CRTC1: variants seen among roughly 807,000 people sequenced by gnomAD.
CRTC1 encodes the protein CREB-regulated transcription coactivator 1.
A neutral mutation model predicts 66.1 loss-of-function variants in CRTC1; 18 were observed. The ratio of observed to expected loss-of-function variants is 0.27; its 90% CI spans 0.19 to 0.40. CRTC1 has a LOEUF of 0.40. Among genes scored for constraint, CRTC1 ranks in the 10% least tolerant of loss-of-function variants. The pLI is 1.00. For synonymous variants in CRTC1, 416 were observed against 398.8 expected, an observed-to-expected ratio of 1.04 and a Z score of -0.51; for missense variants, 669 against 887.9, an observed-to-expected ratio of 0.75 and a Z score of 3.13.
intron 1 of CRTC1, among the ~76,000 whole-genome samples, chr19:18,698,563 G>A (rs1600771674): frequency 6.6e-6 from 1 of 152,048 alleles, no homozygotes; most frequent in East Asian, 1.9e-4. Context: ...CAGGTGCACA[G>A]TGTGTACTCA....
In CRTC1 at chr19:18,775,565, A is replaced by G. The variant is rs2054968492; in HGVS notation, c.1513-76A>G. ...CCCCAGCTGCGGGCAGGACAGCCACAGCAGCCAAGGGCTTGGGGTGGCCAG... is the reference window on the plus strand; with the variant it reads ...CCCCAGCTGCGGGCAGGACAGCCACGGCAGCCAAGGGCTTGGGGTGGCCAG... On this transcript the variant is annotated intron_variant, in intron 12 of 13. Transcript: ENST00000321949. 5.3e-6 allele frequency: 7 copies of G among 1,324,058 alleles called. No homozygotes were observed. In the South Asian group the frequency reaches 9.2e-5, roughly 17 times the overall value. 82.0% of individuals were successfully genotyped at this position (1,324,058 alleles called of 1,614,324 possible). A position where few individuals can be genotyped will look rare whatever the true frequency, so the allele number is the denominator to read the frequency against.
intron 1 of CRTC1, among the ~76,000 whole-genome samples, chr19:18,719,191 T>G (rs1482195345): frequency 6.6e-6 from 1 of 152,220 alleles, no homozygotes; most frequent in Admixed American, 6.5e-5. Flanking sequence ...GGGCGCAGCC[T>G]CCAACTAGTG....
At chr19:18,773,946 G>C (rs10412356) in intron 11 of CRTC1, among the ~76,000 whole-genome samples, 1 of 152,312 alleles carries the variant, frequency 6.6e-6, no homozygotes, top group South Asian at 2.1e-4. Flanking sequence ...GCTCAGATGG[G>C]GAGCTCCAAG....
At chr19:18,772,195 A>C (rs2054885133) in intron 11 of CRTC1, among the ~76,000 whole-genome samples, 1 of 152,176 alleles carries the variant, frequency 6.6e-6, no homozygotes, top group Non-Finnish European at 1.5e-5. Context: ...TCCAAGGTTC[A>C]GGTTCCTCGG....
At chr19:18,697,478 T>G (rs190398022) in intron 1 of CRTC1, among the ~76,000 whole-genome samples, 22 of 152,272 alleles carry the variant, frequency 1.4e-4, no homozygotes, top group African/African-American at 5.1e-4. Context: ...CCTGGCTAAT[T>G]TTTGCATTTT....
In CRTC1 at chr19:18,779,109, C is replaced by T. The variant is rs1247275129; in HGVS notation, c.*1727C>T. 1.3e-5 allele frequency: 3 copies of T among 232,640 alleles called. No individual in the cohort carries two copies. The highest frequency in any genetic ancestry group is 2.2e-5 in the African/African-American group (1 of 45,312). 14.4% of individuals were successfully genotyped at this position (232,640 alleles called of 1,614,324 possible). A position where few individuals can be genotyped will look rare whatever the true frequency, so the allele number is the denominator to read the frequency against. On this transcript the variant is annotated 3_prime_UTR_variant, in exon 14 of 14. Coordinates refer to ENST00000321949, the MANE Select transcript of CRTC1 (RefSeq NM_015321.3). ...AATAGGAACTGCTGTTCTGATCCCC[C>T]CAAAACTGCATTGCGGCTCTCGCTC... is the stretch of plus-strand genomic sequence containing the variant.
At chr19:18,758,326 C>G (rs2145798141) in intron 6 of CRTC1, among the ~76,000 whole-genome samples, 1 of 150,048 alleles carries the variant, frequency 6.7e-6, no homozygotes, top group South Asian at 2.1e-4. Flanking sequence ...TGCCACTGCA[C>G]TCCAGCCTGA....
chr19:18,718,891 A>G (rs1246820565), intron 1 of CRTC1, among the ~76,000 whole-genome samples: 1 of 152,186 alleles, frequency 6.6e-6, no homozygotes, highest in Non-Finnish European at 1.5e-5. Context: ...TTTATTTTAA[A>G]TAGGATGGAA....
intron 4 of CRTC1, among the ~76,000 whole-genome samples, chr19:18,748,788 TAAGC>T (rs1311876103): frequency 2.6e-5 from 4 of 151,450 alleles, no homozygotes; most frequent in African/African-American, 9.7e-5. Flanking sequence ...GGAAGAAAAG[TAAGC>T]AAGCTGTTCA....
chr19:18,693,684 C>G (rs1055675103), intron 1 of CRTC1, among the ~76,000 whole-genome samples: 6 of 151,082 alleles, frequency 4.0e-5, no homozygotes, highest in African/African-American at 1.5e-4. Context: ...AGGGTTTCCC[C>G]ATGTTCGCCA....
chr19:18,761,068 C>T (rs936076488), intron 8 of CRTC1, among the ~76,000 whole-genome samples: 1 of 152,138 alleles, frequency 6.6e-6, no homozygotes, highest in African/African-American at 2.4e-5. Context: ...CTGAACTTAG[C>T]CCCAGTCCCA....
chr19:18,763,693 G>A (rs1028999344), intron 8 of CRTC1, among the ~76,000 whole-genome samples: 1 of 152,236 alleles, frequency 6.6e-6, no homozygotes, highest in African/African-American at 2.4e-5. Flanking sequence ...CATGGCCGAT[G>A]TCTTGCACCT....
chr19:18,702,459 C>T (rs185593260), intron 1 of CRTC1, among the ~76,000 whole-genome samples: 1 of 151,714 alleles, frequency 6.6e-6, no homozygotes, highest in African/African-American at 2.4e-5. Flanking sequence ...CTCCTGGGCT[C>T]AAGTGATCCT....
intron 1 of CRTC1, among the ~76,000 whole-genome samples, chr19:18,686,561 C>T (rs185464792): frequency 1.0e-3 from 155 of 152,290 alleles, no homozygotes; most frequent in Middle Eastern, 3.4e-3. Flanking sequence ...ACAGAAGAAT[C>T]GCTTGAACCT....
At chr19:18,754,182 C>G (rs920880911) in intron 6 of CRTC1, among the ~76,000 whole-genome samples, 4 of 152,154 alleles carry the variant, frequency 2.6e-5, no homozygotes, top group Non-Finnish European at 5.9e-5. Flanking sequence ...TACTCCTCCC[C>G]TATGGGAAAG....
Position 18,760,018 on chromosome 19 carries a change from T to G in CRTC1, c.676T>G (p.Ser226Ala). 6.6e-7 allele frequency: 1 copy of G among 1,526,538 alleles called. No individual in the cohort carries two copies. The allele number at this position is 1,526,538 out of a possible 1,614,324, so 94.6% of individuals were successfully genotyped here. The change falls in exon 8 of 14, where the codon TCT becomes GCT. Residue 226 changes from serine to alanine, a missense_variant. By Grantham distance (99) the Ser-to-Ala change is moderately conservative (BLOSUM62 1). Around this residue, in one of 8 missense-constraint regions of CRTC1, gnomAD observed 214 missense variants for 323.4 expected, o/e 0.66. Coordinates refer to ENST00000321949, the MANE Select transcript of CRTC1 (RefSeq NM_015321.3). This position sits in a 1 kb window ranked among gnomAD's most constrained non-coding sequence, Gnocchi z 6.2. ...CTGGCCTTTTCCCAGCATCTTCCCG[T>G]CTGCCGACCAGGAAAACACTACAGC... ...CEVPGINIFPSADQENTTALI... is the reference protein window; with the variant it reads ...CEVPGINIFPAADQENTTALI...
At chr19:18,731,659 C>T (rs536269998) in intron 1 of CRTC1, among the ~76,000 whole-genome samples, 2 of 152,282 alleles carry the variant, frequency 1.3e-5, no homozygotes, top group African/African-American at 4.8e-5. Context: ...CTTGTGCTGC[C>T]TCCAGCTGGA....
At chr19:18,726,197 T>G (rs2053748235) in intron 1 of CRTC1, among the ~76,000 whole-genome samples, 1 of 152,242 alleles carries the variant, frequency 6.6e-6, no homozygotes, top group Admixed American at 6.5e-5. Flanking sequence ...GCAGGAACGT[T>G]GCTCAGGCAC....
intron 2 of CRTC1, among the ~76,000 whole-genome samples, chr19:18,745,076 G>A (rs572313027): frequency 6.6e-6 from 1 of 152,200 alleles, no homozygotes; most frequent in South Asian, 2.1e-4. Flanking sequence ...ACAGGGTCAG[G>A]GCGGGCTCCT....
Sources: gnomAD v4.1 joint callset for allele counts (sites outside exome capture counted in the v4.1 genomes callset) on GRCh38, gnomAD v4.1.1 for gene constraint, gnomAD v4.1.1 regional missense constraint, Gnocchi (gnomAD v3.1) non-coding constraint, MANE v1.5 for transcripts, NCBI Gene and HGNC (gene_info 2026-07-23, HGNC 2026-07-21) for gene names.